The following ANKRD17 variants were observed in gnomAD, a reference collection of about 807,000 sequenced individuals.
ANKRD17 encodes ankyrin repeat domain 17, also known as ankyrin repeat domain-containing protein 17.
Under a neutral mutation model 229.7 loss-of-function variants are expected in ANKRD17, and 19 were observed. That is an observed-to-expected ratio of 0.08 (90% CI 0.06 to 0.12). The LOEUF (loss-of-function observed/expected upper bound fraction) is 0.12, where lower values mean the gene tolerates loss of function less well. Among genes scored for constraint, ANKRD17 ranks in the 10% least tolerant of loss-of-function variants. ANKRD17 has a pLI of 1.00. For synonymous variants in ANKRD17, 1,112 were observed against 1,146.1 expected (o/e 0.97, Z 0.60); for missense variants, 2,176 against 3,176.8 (o/e 0.68, Z 7.57).
At chr4:73,178,440 T>C (rs1176526580) in intron 1 of ANKRD17, among the ~76,000 whole-genome samples, 1 of 152,164 alleles carries the variant, frequency 6.6e-6, no homozygotes. Context: ...AATGAATAAT[T>C]TTATCGCTTC....
At chr4:73,254,575 C>G (rs1745294628) in intron 1 of ANKRD17, among the ~76,000 whole-genome samples, 2 of 152,106 alleles carry the variant, frequency 1.3e-5, no homozygotes, top group South Asian at 4.1e-4. Flanking sequence ...CAAGACTACC[C>G]TGGCCAACAT....
At chr4:73,147,476 T>C in intron 8 of ANKRD17, 44 bp from the exon 9 acceptor site, 1 of 1,367,712 alleles carries the variant, frequency 7.3e-7, no homozygotes, top group East Asian at 2.5e-5. Flanking sequence ...CATTAACTTA[T>C]TCCAGAGATA....
At chr4:73,237,048 T>C (rs931937554) in intron 1 of ANKRD17, among the ~76,000 whole-genome samples, 11 of 152,240 alleles carry the variant, frequency 7.2e-5, no homozygotes, top group Non-Finnish European at 1.5e-4. Flanking sequence ...AGTATTCATA[T>C]GCCTGTGGTT....
chr4:73,113,625 T>C (rs2148661077), intron 24 of ANKRD17, among the ~76,000 whole-genome samples, 167 bp downstream of exon 24: 1 of 152,346 alleles, frequency 6.6e-6, no homozygotes, highest in East Asian at 1.9e-4. Flanking sequence ...TTCAATGATG[T>C]TCAATGTACT....
In ANKRD17 at chr4:73,076,833, C is replaced by T. The variant is rs181748182; in HGVS notation, c.7752+107G>A. Reference sequence around the variant, plus strand: ...CAGCTATATTAGATTTCCTCAACTGCCCATATTCACCAAACTCTCTTGCTA... The same window carrying T: ...CAGCTATATTAGATTTCCTCAACTGTCCATATTCACCAAACTCTCTTGCTA... On this transcript the variant is annotated intron_variant, in intron 33 of 33. Coordinates refer to ENST00000358602, the MANE Select transcript of ANKRD17 (RefSeq NM_032217.5). The T allele has an allele frequency of 2.8e-4, 366 of 1,324,190 alleles. 2 individuals carry two copies. In the African/African-American group the frequency reaches 3.6e-3, roughly 13 times the overall value. 82.0% of individuals were successfully genotyped at this position (1,324,190 alleles called of 1,614,324 possible). A position where few individuals can be genotyped will look rare whatever the true frequency, so the allele number is the denominator to read the frequency against.
chr4:73,184,977 T>C (rs1736096827), intron 1 of ANKRD17, among the ~76,000 whole-genome samples: 1 of 152,074 alleles, frequency 6.6e-6, no homozygotes, highest in Non-Finnish European at 1.5e-5. Context: ...TAAAGATCAT[T>C]TTAGACAGCT....
intron 2 of ANKRD17, among the ~76,000 whole-genome samples, chr4:73,173,758 T>A (rs898730984): frequency 1.3e-5 from 2 of 151,940 alleles, no homozygotes; most frequent in African/African-American, 4.8e-5. Flanking sequence ...GGGAGCCACA[T>A]GAAATATAAA....
intron 1 of ANKRD17, among the ~76,000 whole-genome samples, chr4:73,201,508 A>G (rs548378933): frequency 2.0e-5 from 3 of 152,292 alleles, no homozygotes; most frequent in South Asian, 2.1e-4. Flanking sequence ...AGAAACAAAT[A>G]TTTTTAAATA....
At position 73,074,833 on chromosome 4, in the gene ANKRD17, A is replaced by G. The variant is rs755872757; in HGVS notation, c.*1398T>C. The G allele has an allele frequency of 6.6e-6, 1 of 152,472 alleles. No homozygotes were observed. 9.4% of individuals were successfully genotyped at this position (152,472 alleles called of 1,614,324 possible). A position where few individuals can be genotyped will look rare whatever the true frequency, so the allele number is the denominator to read the frequency against. ...TTACTTTCTTTTACATTTCAACCAT[A>G]TAATTAATTTTTCCATGAGACAGGG... On this transcript the variant is annotated 3_prime_UTR_variant, in exon 34 of 34. Coordinates refer to ENST00000358602, the MANE Select transcript of ANKRD17 (RefSeq NM_032217.5).
chr4:73,155,837 A>G (rs1731590245), intron 4 of ANKRD17, 59 bp from the exon 5 acceptor site: 1 of 1,578,968 alleles, frequency 6.3e-7, no homozygotes, highest in Admixed American at 1.7e-5. Flanking sequence ...AAAATTTTGA[A>G]CACGTATTTA....
chr4:73,120,188 G>A lies in ANKRD17; in HGVS notation c.3999C>T (p.Tyr1333=). 7 of 1,614,098 alleles carry A rather than the reference G, an allele frequency of 4.3e-6. No homozygotes were observed. Among genetic ancestry groups the A allele is most frequent in the Non-Finnish European group, 5.9e-6 (7 of 1,179,998 alleles). ...ALTIAADKGH[Y]KFCELLIGRG... is the part of the protein sequence containing the mutation. ...TGCCAATAAGAAGCTCACAGAATTT[G>A]TAATGCCCTTTATCTGCTGCTATGG... The change falls in exon 21 of 34, where the codon TAC becomes TAT. Residue 1333 remains tyrosine (Y), a synonymous_variant. Transcript: ENST00000358602.
intron 30 of ANKRD17, among the ~76,000 whole-genome samples, chr4:73,084,451 A>ATTTT (rs35710035): frequency 2.1e-5 from 3 of 144,996 alleles, no homozygotes; most frequent in Middle Eastern, 3.6e-3. Flanking sequence ...TGCAGATGAG[A>ATTTT]TTTTTTTTTT....
At chr4:73,245,624 A>C (rs1368417376) in intron 1 of ANKRD17, among the ~76,000 whole-genome samples, 2 of 152,160 alleles carry the variant, frequency 1.3e-5, no homozygotes, top group Non-Finnish European at 2.9e-5. Context: ...TGTAAGCCAA[A>C]TTCCTTGTAA....
At chr4:73,232,290 C>A (rs1743117830) in intron 1 of ANKRD17, among the ~76,000 whole-genome samples, 1 of 152,184 alleles carries the variant, frequency 6.6e-6, no homozygotes, top group African/African-American at 2.4e-5. Context: ...TGTAGCTCTC[C>A]TTGATCACAT....
At chr4:73,191,345 G>A (rs1379414127) in intron 1 of ANKRD17, among the ~76,000 whole-genome samples, 1 of 145,842 alleles carries the variant, frequency 6.9e-6, no homozygotes, top group African/African-American at 2.5e-5. Context: ...ATATATATGT[G>A]TGTGTGTGTG....
intron 30 of ANKRD17, among the ~76,000 whole-genome samples, chr4:73,080,015 C>T (rs753080435): frequency 4.0e-5 from 6 of 151,860 alleles, no homozygotes; most frequent in East Asian, 3.9e-4. Context: ...CTGAGGCAGA[C>T]GAATCACTTG....
chr4:73,207,487 T>C (rs1339926826), intron 1 of ANKRD17, among the ~76,000 whole-genome samples: 1 of 152,134 alleles, frequency 6.6e-6, no homozygotes, highest in Non-Finnish European at 1.5e-5. Flanking sequence ...TATTGACAGT[T>C]TGTATAAAAA....
At chr4:73,200,623 GATT>G (rs1269462043) in intron 1 of ANKRD17, among the ~76,000 whole-genome samples, 2 of 151,982 alleles carry the variant, frequency 1.3e-5, no homozygotes, top group African/African-American at 4.8e-5. Context: ...ATTATATAAA[GATT>G]ATAATAACCT....
chr4:73,164,283 T>C (rs1732930253), intron 2 of ANKRD17, among the ~76,000 whole-genome samples: 1 of 152,196 alleles, frequency 6.6e-6, no homozygotes, highest in African/African-American at 2.4e-5. Context: ...AACTAACCAC[T>C]GTTTTAAAAA....
Sources: gnomAD v4.1 joint callset for allele counts (sites outside exome capture counted in the v4.1 genomes callset) on GRCh38, gnomAD v4.1.1 for gene constraint, MANE v1.5 for transcripts, NCBI Gene and HGNC (gene_info 2026-07-23, HGNC 2026-07-21) for gene names.